The following PGBD5 variants were observed in gnomAD, a reference collection of about 807,000 sequenced individuals.
PGBD5 encodes the protein piggyBac transposable element derived 5.
Under a neutral mutation model 47.9 loss-of-function variants are expected in PGBD5, and 14 were observed. The observed-to-expected ratio is 0.29, with a 90% CI of 0.19 to 0.46. The LOEUF is 0.46. Ranked by LOEUF, PGBD5 falls within the 20% of genes least tolerant of loss-of-function variation. The pLI is 1.00. For missense variants in PGBD5, 635 were observed against 716.0 expected, an observed-to-expected ratio of 0.89 and a Z score of 1.29; for synonymous variants, 316 against 306.3, an observed-to-expected ratio of 1.03 and a Z score of -0.33.
At chr1:230,404,186 A>G (rs959642580) in intron 1 of PGBD5, among the ~76,000 whole-genome samples, 8 of 152,156 alleles carry the variant, frequency 5.3e-5, no homozygotes, top group African/African-American at 1.9e-4. Flanking sequence ...GGGGCAGTGA[A>G]GACCCCAAGC....
chr1:230,360,432 C>T (rs75371673), intron 1 of PGBD5, among the ~76,000 whole-genome samples: 19,408 of 152,130 alleles, frequency 0.13, 2,421 homozygotes, highest in African/African-American at 0.33. Context: ...TATGGTCTGG[C>T]TCTGTGTCCC....
At chr1:230,373,986 G>A (rs828457) in intron 1 of PGBD5, among the ~76,000 whole-genome samples, 108,446 of 152,074 alleles carry the variant, frequency 0.71, 39,072 homozygotes, top group Non-Finnish European at 0.74. Context: ...CTGGCCACAA[G>A]TGAGTTTTAT....
chr1:230,378,664 C>T (rs562376362), intron 1 of PGBD5, among the ~76,000 whole-genome samples: 1 of 152,260 alleles, frequency 6.6e-6, no homozygotes, highest in African/African-American at 2.4e-5. Context: ...CAAATGCCCC[C>T]ATAAAAGCTC....
Position 230,377,409 on chromosome 1 carries a change from C to G in PGBD5, c.332-20088G>C, listed in dbSNP as rs139664945. 2.4e-4 allele frequency: 331 copies of G among 1,364,876 alleles called. 1 individual carries two copies. The African/African-American group carries it at 4.4e-3, about 18-fold the overall frequency. 84.5% of individuals were successfully genotyped at this position (1,364,876 alleles called of 1,614,324 possible). ...GATAAATCCTTCATAAAGGCAGAAGCTGTGATGATGATGATGAAGATGCCA... is the reference window on the plus strand; with the variant it reads ...GATAAATCCTTCATAAAGGCAGAAGGTGTGATGATGATGATGAAGATGCCA... On this transcript the variant is annotated intron_variant, in intron 1 of 6. Coordinates refer to ENST00000391860, the MANE Select transcript of PGBD5 (RefSeq NM_001258311.2).
intron 3 of PGBD5, among the ~76,000 whole-genome samples, chr1:230,340,226 G>A (rs1156688907): frequency 6.6e-6 from 1 of 151,942 alleles, no homozygotes; most frequent in Non-Finnish European, 1.5e-5. Flanking sequence ...GTGTTAAAAG[G>A]ATTTATATAT....
intron 3 of PGBD5, among the ~76,000 whole-genome samples, chr1:230,345,599 T>C (rs1356598121): frequency 6.6e-6 from 1 of 152,242 alleles, no homozygotes; most frequent in Non-Finnish European, 1.5e-5. Context: ...GTTTGACTTA[T>C]GATTTTTGAC....
chr1:230,341,888 A>G (rs983658904), intron 3 of PGBD5, among the ~76,000 whole-genome samples: 1 of 152,124 alleles, frequency 6.6e-6, no homozygotes, highest in African/African-American at 2.4e-5. Flanking sequence ...TTTTGCTCCT[A>G]TGATTTTTAA....
intron 1 of PGBD5, among the ~76,000 whole-genome samples, chr1:230,380,554 A>G (rs1656436273): frequency 6.6e-6 from 1 of 152,258 alleles, no homozygotes; most frequent in Non-Finnish European, 1.5e-5. Flanking sequence ...CATAAGCAAC[A>G]GCCCCTCACT....
intron 1 of PGBD5, among the ~76,000 whole-genome samples, chr1:230,420,563 A>C (rs1466286503): frequency 6.6e-6 from 1 of 152,176 alleles, no homozygotes; most frequent in African/African-American, 2.4e-5. Context: ...TTCTCGTGAC[A>C]GTGAGTGAAC....
Position 230,319,171 on chromosome 1 carries a change from A to C in PGBD5, c.*4254T>G, listed in dbSNP as rs372375200. ...GCTTACCTGGGCGAACCATTGCACC[A>C]CTCCATCTGGGCGTGGTGACAGTCC... On this transcript the variant is annotated 3_prime_UTR_variant, in exon 7 of 7. Transcript: ENST00000391860. The C allele has an allele frequency of 3.3e-5, 5 of 151,746 alleles. No homozygotes were observed. Among genetic ancestry groups the C allele is most frequent in the African/African-American group, 1.2e-4 (5 of 41,274 alleles). The allele number at this position is 151,746 out of a possible 1,614,324, so 9.4% of individuals were successfully genotyped here.
chr1:230,344,328 G>A (rs1474279888), intron 3 of PGBD5, among the ~76,000 whole-genome samples: 2 of 152,168 alleles, frequency 1.3e-5, no homozygotes, highest in African/African-American at 4.8e-5. Context: ...GAATGGCTGG[G>A]TTTAATCCCA....
Position 230,357,699 on chromosome 1 carries a change from G to T in PGBD5, c.332-378C>A, listed in dbSNP as rs41494754. 6.6e-6 allele frequency among the ~76,000 whole-genome samples: 1 copy of T among 152,168 alleles called. No individual in the cohort carries two copies. The highest frequency in any genetic ancestry group is 2.4e-5 in the African/African-American group (1 of 41,428). ...GTGGAATCCCTGCTCTCCAGAACCC[G>T]TGTGGCACAGGGTGTCGGTCTAGGG... On this transcript the variant is annotated intron_variant, in intron 1 of 6. Transcript: ENST00000391860. The surrounding 1 kb of genome is among the most constrained non-coding windows in gnomAD (Gnocchi z 5.7).
At chr1:230,386,766 A>G (rs1418627174) in intron 1 of PGBD5, among the ~76,000 whole-genome samples, 1 of 152,170 alleles carries the variant, frequency 6.6e-6, no homozygotes, top group Non-Finnish European at 1.5e-5. Context: ...ACATCTCTAT[A>G]TATTTAGACA....
At chr1:230,424,878 G>C (rs920661897) in intron 1 of PGBD5, among the ~76,000 whole-genome samples, 1 of 152,254 alleles carries the variant, frequency 6.6e-6, no homozygotes, top group Non-Finnish European at 1.5e-5. Flanking sequence ...AGCCGCAGCT[G>C]CCAGCACCCT....
intron 1 of PGBD5, among the ~76,000 whole-genome samples, chr1:230,392,102 C>T (rs1425893466): frequency 2.0e-5 from 3 of 152,232 alleles, no homozygotes; most frequent in African/African-American, 7.2e-5. Flanking sequence ...ATCCTACTTG[C>T]TTTGATTTTT....
At chr1:230,420,341 A>C (rs1657619622) in intron 1 of PGBD5, among the ~76,000 whole-genome samples, 1 of 152,270 alleles carries the variant, frequency 6.6e-6, no homozygotes, top group Non-Finnish European at 1.5e-5. Context: ...GTCCCTCAAC[A>C]AAATGTAATG....
intron 1 of PGBD5, among the ~76,000 whole-genome samples, chr1:230,371,248 C>A (rs1461556022): frequency 2.0e-5 from 3 of 152,134 alleles, no homozygotes; most frequent in Non-Finnish European, 4.4e-5. Context: ...TGCAATTATG[C>A]AGTTTCAGGA....
In PGBD5 at chr1:230,314,898, T is replaced by C. The variant is rs1483181434; in HGVS notation, c.*8527A>G. The C allele has an allele frequency of 6.6e-6, 1 of 152,216 alleles. No individual in the cohort carries two copies. Among genetic ancestry groups the C allele is most frequent in the African/African-American group, 2.4e-5 (1 of 41,450 alleles). 9.4% of individuals were successfully genotyped at this position (152,216 alleles called of 1,614,324 possible). On this transcript the variant is annotated 3_prime_UTR_variant, in exon 7 of 7. Transcript: ENST00000391860. Reference sequence around the variant, plus strand: ...AATTCTCACAATGAATAGCAGTCTTTCCAGCTTCTTTGACACGGATTTCCT... The same window carrying C: ...AATTCTCACAATGAATAGCAGTCTTCCCAGCTTCTTTGACACGGATTTCCT...
chr1:230,325,297 C>T lies in PGBD5; in HGVS notation c.1379+13G>A. 3 of 1,599,506 alleles carry T rather than the reference C, an allele frequency of 1.9e-6. No individual in the cohort carries two copies. The Admixed American group carries it at 5.1e-5, about 27-fold the overall frequency. On this transcript the variant is annotated intron_variant, in intron 6 of 6. Coordinates refer to ENST00000391860, the MANE Select transcript of PGBD5 (RefSeq NM_001258311.2). ...TGAGAGCCCTTCTGTCATGGAGGTG[C>T]CCAGCCACTTACTTGCTGTATTTGT...
Sources: allele counts gnomAD v4.1 joint callset (sites outside exome capture counted in the v4.1 genomes callset), GRCh38; gene constraint gnomAD v4.1.1; non-coding constraint Gnocchi (gnomAD v3.1); transcripts MANE v1.5; gene names NCBI Gene and HGNC (gene_info 2026-07-23, HGNC 2026-07-21).